The following MGRN1 variants were observed in gnomAD, a reference collection of about 807,000 sequenced individuals.
The protein encoded by MGRN1 is mahogunin ring finger 1.
Under a neutral mutation model 69.2 loss-of-function variants are expected in MGRN1, and 29 were observed. That is an observed-to-expected ratio of 0.42 (90% CI 0.31 to 0.57). The LOEUF is 0.57. Among genes scored for constraint, MGRN1 ranks in the 20% least tolerant of loss-of-function variants. MGRN1 has a pLI of 0.15. For missense variants in MGRN1, 998 were observed against 796.2 expected, an observed-to-expected ratio of 1.25 and a Z score of -3.05; for synonymous variants, 470 against 344.2, an observed-to-expected ratio of 1.37 and a Z score of -4.04.
intron 5 of MGRN1, among the ~76,000 whole-genome samples, chr16:4,662,515 CA>C (rs752715716): frequency 0.016 from 2,103 of 132,168 alleles, 19 homozygotes; most frequent in Middle Eastern, 0.053. Flanking sequence ...GACTCTGTCT[CA>C]AAAAAAAAAA....
intron 16 of MGRN1, among the ~76,000 whole-genome samples, chr16:4,685,442 G>C (rs866290002): frequency 3.3e-5 from 5 of 152,230 alleles, no homozygotes; most frequent in African/African-American, 1.2e-4. Flanking sequence ...CAGGCCCACA[G>C]ACGGGGGCAG....
intron 5 of MGRN1, among the ~76,000 whole-genome samples, chr16:4,660,042 C>G (rs938119502): frequency 6.6e-6 from 1 of 152,120 alleles, no homozygotes; most frequent in Non-Finnish European, 1.5e-5. Flanking sequence ...GACGCTTCCC[C>G]GAAGAGAACC....
chr16:4,670,546 A>G lies in MGRN1; in HGVS notation c.727-845A>G, dbSNP rs114599745. The stretch of plus-strand genomic sequence containing the variant: ...TAGGTGTAAGCCACTGCACCCGGCC[A>G]TCTGTTAGCTTTTTAGAAGAGAGTT... On this transcript the variant is annotated intron_variant, in intron 8 of 16. Transcript: ENST00000262370. 3.2e-3 allele frequency among the ~76,000 whole-genome samples: 487 copies of G among 152,310 alleles called. 2 individuals are homozygous for G. The highest frequency in any genetic ancestry group is 0.011 in the African/African-American group (465 of 41,580).
At chr16:4,655,893 G>A (rs1283390391) in intron 4 of MGRN1, among the ~76,000 whole-genome samples, 1 of 152,258 alleles carries the variant, frequency 6.6e-6, no homozygotes, top group Non-Finnish European at 1.5e-5. Context: ...GAGAAGGCTG[G>A]GGTCCACCTG....
chr16:4,677,521 C>A lies in MGRN1; in HGVS notation c.1014C>A (p.Pro338=), dbSNP rs375465698. Residue 338 remains proline, a synonymous_variant, in exon 11 of 17, where the codon CCC becomes CCA. Transcript: ENST00000262370. ...GGAAGAAGCCAGGAGCCCTGTCCCC[C>A]GTGTCCTTCAGCCCCGTCCTGGCCC... The part of the protein sequence containing the change: ...AVRKKPGALS[P]VSFSPVLAQS... The A allele has an allele frequency of 6.3e-7, 1 of 1,597,770 alleles. No individual in the cohort carries two copies. The highest frequency in any genetic ancestry group is 1.3e-5 in the African/African-American group (1 of 74,768).
At chr16:4,661,166 A>C (rs1317810494) in intron 5 of MGRN1, among the ~76,000 whole-genome samples, 1 of 149,650 alleles carries the variant, frequency 6.7e-6, no homozygotes, top group African/African-American at 2.5e-5. Context: ...TTTGGTAGAG[A>C]CAGAGTTTCT....
At chr16:4,668,491 ACAC>A (rs1567216266) in intron 8 of MGRN1, among the ~76,000 whole-genome samples, 179 bp downstream of exon 8, 1 of 151,968 alleles carries the variant, frequency 6.6e-6, no homozygotes, top group East Asian at 1.9e-4. Flanking sequence ...ATACCATCAG[ACAC>A]TCACATTCAC....
intron 5 of MGRN1, among the ~76,000 whole-genome samples, chr16:4,659,385 CT>C (rs1370608664): frequency 1.3e-5 from 2 of 152,028 alleles, no homozygotes; most frequent in African/African-American, 2.4e-5. Context: ...CCTGGGGTCC[CT>C]CCCCAGCCCC....
chr16:4,672,843 G>T lies in MGRN1; in HGVS notation c.796-655G>T, dbSNP rs572768321. ...TATTAACTTGTTTTTTGTTTTTTTT[G>T]TTTGTTTGTTTTGAGATGGAGTCTT... On this transcript the variant is annotated intron_variant, in intron 9 of 16. Coordinates refer to ENST00000262370, the MANE Select transcript of MGRN1 (RefSeq NM_015246.4). 1.4e-4 allele frequency among the ~76,000 whole-genome samples: 21 copies of T among 151,762 alleles called. No homozygotes were observed. The East Asian group carries it at 3.3e-3, about 24-fold the overall frequency.
At chr16:4,629,049 C>T (rs1358255384) in intron 1 of MGRN1, among the ~76,000 whole-genome samples, 2 of 151,894 alleles carry the variant, frequency 1.3e-5, no homozygotes, top group Admixed American at 1.3e-4. Context: ...GTTGGGAAGG[C>T]TGGTTTCGAA....
chr16:4,679,208 A>C (rs1008928637), intron 11 of MGRN1, among the ~76,000 whole-genome samples: 2 of 152,230 alleles, frequency 1.3e-5, no homozygotes, highest in African/African-American at 4.8e-5. Context: ...GGTTTCACCT[A>C]GGGAGTGATC....
chr16:4,629,147 C>CGTGT (rs1442184525), intron 1 of MGRN1, among the ~76,000 whole-genome samples: 531 of 48,680 alleles, frequency 0.011, 2 homozygotes, highest in Non-Finnish European at 0.014. Context: ...GCTTTCTGTT[C>CGTGT]GTATGTGTGT....
chr16:4,661,580 C>T (rs2078682540), intron 5 of MGRN1, among the ~76,000 whole-genome samples: 1 of 152,270 alleles, frequency 6.6e-6, no homozygotes, highest in Non-Finnish European at 1.5e-5. Flanking sequence ...AGGAGCTAGA[C>T]TTGATGCCGG....
At position 4,633,125 on chromosome 16, in the gene MGRN1, C is replaced by T. The variant is rs180788663; in HGVS notation, c.88+8077C>T. On this transcript the variant is annotated intron_variant, in intron 1 of 16. Transcript: ENST00000262370. Reference sequence around the variant, plus strand: ...AAATTTGGCCGGGTGCAGTGGCTCACACCTGTAATCCTAGTACTTTGGGAG... The same window carrying T: ...AAATTTGGCCGGGTGCAGTGGCTCATACCTGTAATCCTAGTACTTTGGGAG... Among the ~76,000 whole-genome samples the T allele has an allele frequency of 2.9e-3, 443 of 152,094 alleles. 3 individuals carry two copies. Among genetic ancestry groups the T allele is most frequent in the African/African-American group, 0.01 (431 of 41,478 alleles).
intron 7 of MGRN1, among the ~76,000 whole-genome samples, chr16:4,665,835 A>G (rs944660777): frequency 4.3e-5 from 6 of 140,030 alleles, no homozygotes; most frequent in African/African-American, 1.6e-4. Context: ...TGCCTGGCCA[A>G]TTTTTTTTTT....
intron 7 of MGRN1, among the ~76,000 whole-genome samples, chr16:4,667,585 A>G (rs1377015553): frequency 1.3e-5 from 2 of 152,230 alleles, no homozygotes; most frequent in Admixed American, 6.5e-5. Context: ...TTGGAGTCCA[A>G]CATTCTGGAA....
At chr16:4,653,853 A>G (rs2141887941) in intron 4 of MGRN1, among the ~76,000 whole-genome samples, 1 of 152,030 alleles carries the variant, frequency 6.6e-6, no homozygotes, top group Non-Finnish European at 1.5e-5. Flanking sequence ...CCTAGGTTCA[A>G]GTGCTTCTCC....
At chr16:4,660,064 G>T (rs1170444730) in intron 5 of MGRN1, among the ~76,000 whole-genome samples, 1 of 152,262 alleles carries the variant, frequency 6.6e-6, no homozygotes, top group East Asian at 1.9e-4. Context: ...GAGGGGCTCA[G>T]ATGCTGGGCC....
chr16:4,688,981 T>C lies in MGRN1; in HGVS notation c.*73T>C. 6.8e-7 allele frequency: 1 copy of C among 1,463,284 alleles called. No homozygotes were observed. Among genetic ancestry groups the C allele is most frequent in the Non-Finnish European group, 9.1e-7 (1 of 1,102,018 alleles). 90.6% of individuals were successfully genotyped at this position (1,463,284 alleles called of 1,614,324 possible). A position where few individuals can be genotyped will look rare whatever the true frequency, so the allele number is the denominator to read the frequency against. Reference sequence around the variant, plus strand: ...GCCGAGGGGCTGCTCCGGACCCCGTTGTGAGCCGGCCTCCTGTCTGCATGC... The same window carrying C: ...GCCGAGGGGCTGCTCCGGACCCCGTCGTGAGCCGGCCTCCTGTCTGCATGC... On this transcript the variant is annotated 3_prime_UTR_variant, in exon 17 of 17. Coordinates refer to ENST00000262370, the MANE Select transcript of MGRN1 (RefSeq NM_015246.4).
Sources: allele counts gnomAD v4.1 joint callset (sites outside exome capture counted in the v4.1 genomes callset), GRCh38; gene constraint gnomAD v4.1.1; transcripts MANE v1.5; gene names NCBI Gene and HGNC (gene_info 2026-07-23, HGNC 2026-07-21).